The following ADRA1B variants were observed in gnomAD, a reference collection of about 807,000 sequenced individuals.
ADRA1B encodes alpha-1B adrenergic receptor.
In ADRA1B, 17 loss-of-function variants were observed where a neutral mutation model predicts 17.9. The ratio of observed to expected loss-of-function variants is 0.95; its 90% CI spans 0.65 to 1.42. The LOEUF (loss-of-function observed/expected upper bound fraction) is 1.42. Ranked by LOEUF, ADRA1B falls within the 40% of genes most tolerant of loss-of-function variation. ADRA1B has a pLI of 0.00. For synonymous variants in ADRA1B, 366 were observed against 327.6 expected (o/e 1.12, Z -1.27); for missense variants, 681 against 722.1 (o/e 0.94, Z 0.65).
intron 1 of ADRA1B, among the ~76,000 whole-genome samples, chr5:159,896,004 C>A (rs1273627124): frequency 6.6e-6 from 1 of 152,202 alleles, no homozygotes; most frequent in East Asian, 1.9e-4. Context: ...CTGTGCCTGA[C>A]AACTATAGTA....
intron 1 of ADRA1B, among the ~76,000 whole-genome samples, chr5:159,934,767 G>A (rs867226222): frequency 2.0e-5 from 3 of 150,668 alleles, no homozygotes; most frequent in South Asian, 2.1e-4. Context: ...AGTAAGCGCC[G>A]AGATTGCACC....
At chr5:159,888,365 G>C (rs1382255297) in intron 1 of ADRA1B, 1 of 152,034 alleles carries the variant, frequency 6.6e-6, no homozygotes, top group African/African-American at 2.4e-5. Context: ...TTTTTGAATA[G>C]TGCATACGAG....
chr5:159,927,644 C>T (rs1265781333), intron 1 of ADRA1B, among the ~76,000 whole-genome samples: 1 of 152,138 alleles, frequency 6.6e-6, no homozygotes, highest in Non-Finnish European at 1.5e-5. Flanking sequence ...CCTTTTATGC[C>T]TATTATCAAA....
the ADRA1B span, among the ~76,000 whole-genome samples, chr5:159,986,214 C>G: frequency 1.3e-5 from 2 of 152,276 alleles, no homozygotes; most frequent in South Asian, 4.2e-4. Context: ...CTCACCTCGG[C>G]CTCCCAAGTA....
intron 1 of ADRA1B, among the ~76,000 whole-genome samples, chr5:159,881,365 C>T (rs1753862463): frequency 6.7e-6 from 1 of 149,212 alleles, no homozygotes; most frequent in African/African-American, 2.5e-5. Context: ...CTCCTCTGCC[C>T]CTACCCATTC....
intron 1 of ADRA1B, 130 bp from the exon 2 acceptor site, chr5:159,971,749 G>A: frequency 2.0e-6 from 2 of 986,264 alleles, no homozygotes; most frequent in Non-Finnish European, 1.4e-6. Context: ...AGAGGAACCG[G>A]CTCGGGGAAA....
intron 1 of ADRA1B, among the ~76,000 whole-genome samples, chr5:159,866,383 T>C (rs1753653519): frequency 6.6e-6 from 1 of 151,620 alleles, no homozygotes; most frequent in African/African-American, 2.4e-5. Context: ...TGTCAGGAGT[T>C]TGAGACGAGC....
In ADRA1B at chr5:159,908,294, A is replaced by G. The variant is rs1043368970; in HGVS notation, c.-255-7825A>G. 6.0e-4 allele frequency among the ~76,000 whole-genome samples: 92 copies of G among 152,164 alleles called. 1 individual carries two copies. The highest frequency in any genetic ancestry group is 2.2e-3 in the African/African-American group (92 of 41,414). ...TTATCTTCAGTTTTCTCACCTGTAA[A>G]TTGGAGCTAACGGTATCAACCACGC... On this transcript the variant is annotated intron_variant, in intron 1 of 2. Transcript: ENST00000641205.
At chr5:159,975,904 C>T (rs767328601), downstream of ADRA1B, among the ~76,000 whole-genome samples, 3 of 152,204 alleles carry the variant, frequency 2.0e-5, no homozygotes, top group African/African-American at 4.8e-5. Flanking sequence ...GTCATTGTCA[C>T]CACTGAAGCA....
At chr5:159,962,930 C>CTTTTTTTTTTTTTTTTTT (rs1287451612) in intron 1 of ADRA1B, among the ~76,000 whole-genome samples, 1 of 57,410 alleles carries the variant, frequency 1.7e-5, no homozygotes, top group Non-Finnish European at 3.5e-5. Context: ...TTTTTCTTTT[C>CTTTTTTTTTTTTTTTTTT]TTTTCTTTTT....
intron 1 of ADRA1B, among the ~76,000 whole-genome samples, chr5:159,918,280 G>A (rs1250646061): frequency 6.6e-6 from 1 of 152,226 alleles, no homozygotes; most frequent in East Asian, 1.9e-4. Context: ...AAGCAGGGAG[G>A]CAGCTCGTAC....
intron 1 of ADRA1B, among the ~76,000 whole-genome samples, chr5:159,904,521 AATG>A (rs1754138890): frequency 6.6e-6 from 1 of 152,356 alleles, no homozygotes; most frequent in South Asian, 2.1e-4. Context: ...CCAGAACCTT[AATG>A]GAAGGCACCT....
downstream of ADRA1B, among the ~76,000 whole-genome samples, chr5:159,973,275 C>G (rs1305105420): frequency 6.6e-6 from 1 of 152,222 alleles, no homozygotes; most frequent in Non-Finnish European, 1.5e-5. Context: ...ACGCCCTGGA[C>G]TTGCCTAATG....
intron 1 of ADRA1B, among the ~76,000 whole-genome samples, chr5:159,875,492 A>G (rs2113077992): frequency 6.6e-6 from 1 of 152,300 alleles, no homozygotes; most frequent in African/African-American, 2.4e-5. Context: ...GCATGGATAC[A>G]TCAGTTTGGT....
At chr5:159,867,644 C>G (rs151269881) in intron 1 of ADRA1B, among the ~76,000 whole-genome samples, 3 of 152,314 alleles carry the variant, frequency 2.0e-5, no homozygotes, top group East Asian at 3.9e-4. Flanking sequence ...AAAGAATTCT[C>G]AAACCAACTG....
chr5:159,904,920 T>C (rs774720325), intron 1 of ADRA1B, among the ~76,000 whole-genome samples: 4 of 152,310 alleles, frequency 2.6e-5, no homozygotes, highest in African/African-American at 7.2e-5. Flanking sequence ...ATGGGCTCCA[T>C]AGAGTCAAGA....
chr5:159,963,306 A>ATATATATATATATATATATATATATC (rs1561610064), intron 1 of ADRA1B, among the ~76,000 whole-genome samples: 9 of 150,074 alleles, frequency 6.0e-5, no homozygotes, highest in African/African-American at 2.0e-4. Context: ...ATATATATAT[A>ATATATATATATATATATATATATATC]TATCCACACA....
intron 1 of ADRA1B, 135 bp from the exon 2 acceptor site, chr5:159,971,744 A>C (rs775041592): frequency 6.7e-6 from 6 of 896,190 alleles, no homozygotes; most frequent in Non-Finnish European, 9.2e-6. Context: ...CGGGCAGAGG[A>C]ACCGGCTCGG....
At chr5:159,918,730 T>C (rs1187304072) in intron 1 of ADRA1B, among the ~76,000 whole-genome samples, 1 of 152,174 alleles carries the variant, frequency 6.6e-6, no homozygotes, top group Non-Finnish European at 1.5e-5. Context: ...CTACCTGATG[T>C]TTTCTAAGGA....
Sources: allele counts gnomAD v4.1 joint callset (sites outside exome capture counted in the v4.1 genomes callset), GRCh38; gene constraint gnomAD v4.1.1; transcripts MANE v1.5; gene names NCBI Gene and HGNC (gene_info 2026-07-23, HGNC 2026-07-21).